The following ADGRB2 variants were observed in gnomAD, a reference collection of about 807,000 sequenced individuals.
The protein encoded by ADGRB2 is brain-specific angiogenesis inhibitor 2.
ADGRB2 carries 47 observed loss-of-function variants against 178.7 expected under a neutral mutation model. The ratio of observed to expected loss-of-function variants is 0.26; its 90% CI spans 0.21 to 0.34. The LOEUF is 0.34. ADGRB2 is among the 10% of genes least tolerant of loss of function. ADGRB2 has a pLI of 1.00. For synonymous variants in ADGRB2, 870 were observed against 912.4 expected, an observed-to-expected ratio of 0.95 and a Z score of 0.84; for missense variants, 1,584 against 2,180.8, an observed-to-expected ratio of 0.73 and a Z score of 5.45.
chr1:31,729,440 C>A (rs1645165027), intron 29 of ADGRB2, among the ~76,000 whole-genome samples: 1 of 152,218 alleles, frequency 6.6e-6, no homozygotes, highest in African/African-American at 2.4e-5. Flanking sequence ...TTTCTCTCCG[C>A]TGCCTACCCT....
In ADGRB2 at chr1:31,759,692, A is replaced by C. The variant is rs1009319102; in HGVS notation, c.-190-2181T>G. Among the ~76,000 whole-genome samples the C allele has an allele frequency of 2.0e-5, 3 of 152,188 alleles. No individual in the cohort carries two copies. Among genetic ancestry groups the C allele is most frequent in the African/African-American group, 7.2e-5 (3 of 41,442 alleles). Reference sequence around the variant, plus strand: ...ATATTACTTCCCACCATTCAAAATAAGGCAAAGACCCAATTCCAAGCTGGG... The same window carrying C: ...ATATTACTTCCCACCATTCAAAATACGGCAAAGACCCAATTCCAAGCTGGG... On this transcript the variant is annotated intron_variant, in intron 1 of 32. Coordinates refer to ENST00000373658, the MANE Select transcript of ADGRB2 (RefSeq NM_001364857.2). This position sits in a 1 kb window ranked among gnomAD's most constrained non-coding sequence, Gnocchi z 4.3.
rs1400534665 is a variant in ADGRB2, at chr1:31,759,187, C to T, written c.-190-1676G>A. The T allele has an allele frequency of 1.4e-6, 1 of 730,984 alleles. No homozygotes were observed. The highest frequency in any genetic ancestry group is 2.6e-6 in the Non-Finnish European group (1 of 390,038). The allele number at this position is 730,984 out of a possible 1,614,324, so 45.3% of individuals were successfully genotyped here. On this transcript the variant is annotated intron_variant, in intron 1 of 32. Transcript: ENST00000373658. This position sits in a 1 kb window ranked among gnomAD's most constrained non-coding sequence, Gnocchi z 4.3. ...ATGAATGGATACATATGTACACGGA[C>T]ATGCACACAGGTGAAACCCACAGAT...
In ADGRB2 at chr1:31,730,883, G is replaced by A. The variant is rs776687412; in HGVS notation, c.4297C>T (p.Arg1433Cys). The A allele has an allele frequency of 4.3e-5, 67 of 1,570,148 alleles. No individual in the cohort carries two copies. The highest frequency in any genetic ancestry group is 6.8e-5 in the African/African-American group (5 of 73,428). The change falls in exon 29 of 33, where the codon CGC (arginine) becomes TGC (cysteine). Residue 1433 changes from arginine (R) to cysteine (C), a missense_variant. Transcript: ENST00000373658. Reference sequence around the variant, plus strand: ...CGCTCCCCTGGCTCGGGCACTTGGCGGGCGCTGGGTGTCGGCGGTGGCGGT... The same window carrying A: ...CGCTCCCCTGGCTCGGGCACTTGGCAGGCGCTGGGTGTCGGCGGTGGCGGT... The part of the protein sequence containing the change: ...FQPPPPTPSA[R>C]QVPEPGERSR...
Position 31,730,787 on chromosome 1 carries a change from T to C in ADGRB2, c.4380+13A>G. On this transcript the variant is annotated intron_variant, in intron 29 of 32. Coordinates refer to ENST00000373658, the MANE Select transcript of ADGRB2 (RefSeq NM_001364857.2). ...AGTCTCAGACACACACCCCATTCCC[T>C]ACAGCCCCTCACCTCCAGGGAGCCC... 5 of 1,493,562 alleles carry C rather than the reference T, an allele frequency of 3.3e-6. No homozygotes were observed. The highest frequency in any genetic ancestry group is 4.5e-6 in the Non-Finnish European group (5 of 1,122,052). The allele number at this position is 1,493,562 out of a possible 1,614,324, so 92.5% of individuals were successfully genotyped here. A position where few individuals can be genotyped will look rare whatever the true frequency, so the allele number is the denominator to read the frequency against.
At position 31,754,651 on chromosome 1, in the gene ADGRB2, G is replaced by A. The variant is rs1012858777; in HGVS notation, c.838+1348C>T. On this transcript the variant is annotated intron_variant, in intron 4 of 32. Transcript: ENST00000373658. The surrounding 1 kb of genome is among the most constrained non-coding windows in gnomAD (Gnocchi z 5.7). ...GGAGAGAGGCCACAGCAAAGCCACC[G>A]GGCACTTGCCGTGGATGGGCACGAT... 3.3e-5 allele frequency among the ~76,000 whole-genome samples: 5 copies of A among 152,236 alleles called. No homozygotes were observed. The highest frequency in any genetic ancestry group is 6.5e-5 in the Admixed American group (1 of 15,292).
chr1:31,732,904 C>G, intron 26 of ADGRB2, 68 bp downstream of exon 26: 1 of 1,511,510 alleles, frequency 6.6e-7, no homozygotes, highest in Non-Finnish European at 8.9e-7. Flanking sequence ...CCGGTCTGCA[C>G]AGTGAGGAGA....
Position 31,731,040 on chromosome 1 carries a change from C to A in ADGRB2, c.4140G>T (p.Gly1380=). 2 of 1,584,036 alleles carry A rather than the reference C, an allele frequency of 1.3e-6. No homozygotes were observed. The highest frequency in any genetic ancestry group is 1.7e-6 in the Non-Finnish European group (2 of 1,162,862). The change falls in exon 29 of 33, where the codon GGG becomes GGT. Residue 1380 remains glycine (G), a synonymous_variant. Transcript: ENST00000373658. ...GEDAPRARPE[G]TPRRAAKTVA... is the part of the protein sequence containing the mutation. ...CTGTCTTGGCAGCTCGCCGGGGGGT[C>A]CCCTCCGGCCGGGCCCTGGGGGCAT...
At chr1:31,730,572 G>A (rs537059656) in intron 29 of ADGRB2, among the ~76,000 whole-genome samples, 1 of 152,326 alleles carries the variant, frequency 6.6e-6, no homozygotes, top group Non-Finnish European at 1.5e-5. Context: ...TAAAGCAAGT[G>A]TGAACGAGTC....
In ADGRB2 at chr1:31,741,949, C is replaced by T; in HGVS notation, c.1436G>A (p.Gly479Glu). The stretch of plus-strand genomic sequence containing the variant: ...GCACAGGCTCCACGCATTCCATGGC[C>T]CCCACTTGCTATCAGTGGCTGTGGG... ...LECPATDSKW[G>E]PWNAWSLCSK... is the part of the protein sequence containing the mutation. Residue 479 changes from glycine (G) to glutamate (E), a missense_variant, in exon 9 of 33, where the codon GGG (glycine) becomes GAG (glutamate). By Grantham distance (98) the Gly-to-Glu change is moderately conservative. This residue lies in a region of ADGRB2 where 657 missense variants were observed against 847.6 expected (regional missense o/e 0.78). Transcript: ENST00000373658. This position sits in a 1 kb window ranked among gnomAD's most constrained non-coding sequence, Gnocchi z 6.5. 3 of 1,594,210 alleles carry T rather than the reference C, an allele frequency of 1.9e-6. No individual in the cohort carries two copies. The highest frequency in any genetic ancestry group is 2.6e-6 in the Non-Finnish European group (3 of 1,166,556).
chr1:31,735,399 G>A lies in ADGRB2; in HGVS notation c.3354-118C>T, dbSNP rs1417386655. ...GGGCAGACGAGAGAGAGAGAGCTGG[G>A]TTAGGGTGGGTGAGGGGCTGCGGCT... is the stretch of plus-strand genomic sequence containing the variant. On this transcript the variant is annotated intron_variant, in intron 24 of 32. Transcript: ENST00000373658. The surrounding 1 kb of genome is among the most constrained non-coding windows in gnomAD (Gnocchi z 6.0). The A allele has an allele frequency of 1.0e-5, 12 of 1,200,764 alleles. No individual in the cohort carries two copies. In the Middle Eastern group the frequency reaches 5.6e-4, roughly 56 times the overall value. The allele number at this position is 1,200,764 out of a possible 1,614,324, so 74.4% of individuals were successfully genotyped here.
chr1:31,744,544 T>C lies in ADGRB2; in HGVS notation c.922+104A>G. 1 of 1,478,248 alleles carries C rather than the reference T, an allele frequency of 6.8e-7. No individual in the cohort carries two copies. The highest frequency in any genetic ancestry group is 9.3e-7 in the Non-Finnish European group (1 of 1,080,310). 91.6% of individuals were successfully genotyped at this position (1,478,248 alleles called of 1,614,324 possible). A position where few individuals can be genotyped will look rare whatever the true frequency, so the allele number is the denominator to read the frequency against. ...AAGCTTCATGTGGCACAGACGCGAC[T>C]GAACTGCAGGACAGAGACAGACAGG... On this transcript the variant is annotated intron_variant, in intron 5 of 32. Coordinates refer to ENST00000373658, the MANE Select transcript of ADGRB2 (RefSeq NM_001364857.2). The surrounding 1 kb of genome is among the most constrained non-coding windows in gnomAD (Gnocchi z 6.7).
In ADGRB2 at chr1:31,727,605, C is replaced by T; in HGVS notation, c.4573G>A (p.Asp1525Asn). The change falls in exon 33 of 33, where the codon GAT becomes AAT. Residue 1525 changes from aspartate to asparagine, a missense_variant and splice_region_variant. This residue lies in a region of ADGRB2 where 865 missense variants were observed against 1,192.8 expected (regional missense o/e 0.73). Coordinates refer to ENST00000373658, the MANE Select transcript of ADGRB2 (RefSeq NM_001364857.2). This position sits in a 1 kb window ranked among gnomAD's most constrained non-coding sequence, Gnocchi z 4.4. ...GGAAERSVCT[D>N]KPSPGERPSL... is the part of the protein sequence containing the mutation. Reference sequence around the variant, plus strand: ...GGGCGCTCCCCAGGGCTGGGCTTATCCTGTGGAGGGAGCGGGAGGGGCCGT... The same window carrying T: ...GGGCGCTCCCCAGGGCTGGGCTTATTCTGTGGAGGGAGCGGGAGGGGCCGT... 5.2e-6 allele frequency: 8 copies of T among 1,524,050 alleles called. No individual in the cohort carries two copies. Among genetic ancestry groups the T allele is most frequent in the South Asian group, 1.3e-5 (1 of 75,322 alleles). The allele number at this position is 1,524,050 out of a possible 1,614,324, so 94.4% of individuals were successfully genotyped here.
chr1:31,749,226 G>A (rs553545518), intron 4 of ADGRB2, among the ~76,000 whole-genome samples: 25 of 152,150 alleles, frequency 1.6e-4, no homozygotes, highest in African/African-American at 5.8e-4. Context: ...AGTGAGCCTC[G>A]GGGATCCCAG....
chr1:31,727,666 G>C lies in ADGRB2; in HGVS notation c.4573-61C>G. 1.4e-6 allele frequency: 2 copies of C among 1,418,218 alleles called. No individual in the cohort carries two copies. The highest frequency in any genetic ancestry group is 1.6e-5 in the South Asian group (1 of 63,244). The allele number at this position is 1,418,218 out of a possible 1,614,324, so 87.9% of individuals were successfully genotyped here. ...CAATATCCTTACCCATTGTACAGAC[G>C]ATCAAACTGAGGAGTCCCAGAGAGG... is the stretch of plus-strand genomic sequence containing the variant. On this transcript the variant is annotated intron_variant, in intron 32 of 32. Transcript: ENST00000373658. This position sits in a 1 kb window ranked among gnomAD's most constrained non-coding sequence, Gnocchi z 4.4.
rs769538868 is a variant in ADGRB2 at position 31,728,308 on chromosome 1, G to A, written c.4417-28C>T. On this transcript the variant is annotated intron_variant, in intron 30 of 32. Coordinates refer to ENST00000373658, the MANE Select transcript of ADGRB2 (RefSeq NM_001364857.2). The surrounding 1 kb of genome is among the most constrained non-coding windows in gnomAD (Gnocchi z 6.7). ...AGGGGCCACAGGGCATCAGAGGGTC[G>A]CTCCCCGGGGCAGCACCATGATCCC... 16 of 1,602,886 alleles carry A rather than the reference G, an allele frequency of 1.0e-5. No individual in the cohort carries two copies. The highest frequency in any genetic ancestry group is 3.3e-5 in the South Asian group (3 of 90,586).
Position 31,756,889 on chromosome 1 carries a change from C to A in ADGRB2, c.22-74G>T. Reference sequence around the variant, plus strand: ...GCTCTGAACCTTCTATGGTGAGCTGCGGGAGTGGGCCTCATAAGTTAAGAC... The same window carrying A: ...GCTCTGAACCTTCTATGGTGAGCTGAGGGAGTGGGCCTCATAAGTTAAGAC... On this transcript the variant is annotated intron_variant, in intron 3 of 32. Coordinates refer to ENST00000373658, the MANE Select transcript of ADGRB2 (RefSeq NM_001364857.2). This position sits in a 1 kb window ranked among gnomAD's most constrained non-coding sequence, Gnocchi z 8.5. The A allele has an allele frequency of 7.3e-7, 1 of 1,368,804 alleles. No homozygotes were observed. The highest frequency in any genetic ancestry group is 9.7e-7 in the Non-Finnish European group (1 of 1,026,868). 84.8% of individuals were successfully genotyped at this position (1,368,804 alleles called of 1,614,324 possible).
intron 1 of ADGRB2, among the ~76,000 whole-genome samples, chr1:31,763,639 G>C (rs922882446): frequency 9.7e-5 from 14 of 144,838 alleles, no homozygotes; most frequent in African/African-American, 3.3e-4. Flanking sequence ...GTCGGTCCAG[G>C]CTGGGGGAGG....
Position 31,744,410 on chromosome 1 carries a change from C to A in ADGRB2, c.923-53G>T. Reference sequence around the variant, plus strand: ...AGGGGGCACCTCCCAAGCACTCAGTCTCATAGGGATAGGGGGAGTGGCAGT... The same window carrying A: ...AGGGGGCACCTCCCAAGCACTCAGTATCATAGGGATAGGGGGAGTGGCAGT... On this transcript the variant is annotated intron_variant, in intron 5 of 32. Transcript: ENST00000373658. This position sits in a 1 kb window ranked among gnomAD's most constrained non-coding sequence, Gnocchi z 6.7. 1 of 1,542,158 alleles carries A rather than the reference C, an allele frequency of 6.5e-7. No individual in the cohort carries two copies. Among genetic ancestry groups the A allele is most frequent in the South Asian group, 1.2e-5 (1 of 83,686 alleles).
chr1:31,743,072 C>A (rs1646071031), intron 6 of ADGRB2, 70 bp from the exon 7 acceptor site: 1 of 1,338,328 alleles, frequency 7.5e-7, no homozygotes, highest in Non-Finnish European at 9.6e-7. Context: ...CCTGCCCATC[C>A]GCCCACCAAT....
Sources: gnomAD v4.1 joint callset for allele counts (sites outside exome capture counted in the v4.1 genomes callset) on GRCh38, gnomAD v4.1.1 for gene constraint, gnomAD v4.1.1 regional missense constraint, Gnocchi (gnomAD v3.1) non-coding constraint, MANE v1.5 for transcripts, NCBI Gene and HGNC (gene_info 2026-07-23, HGNC 2026-07-21) for gene names.